Variants in RBMS3 observed in about 807,000 individuals in gnomAD.
RBMS3 encodes RNA binding motif single stranded interacting protein 3.
Under a neutral mutation model 66.8 loss-of-function variants are expected in RBMS3, and 27 were observed. That is an observed-to-expected ratio of 0.40 (90% CI 0.30 to 0.56). The LOEUF (loss-of-function observed/expected upper bound fraction) is 0.56. RBMS3 is among the 20% of genes least tolerant of loss of function. The probability of loss-of-function intolerance (pLI) is 0.40; values close to 1 mark genes in which losing one functional copy is unlikely to be tolerated. For missense variants in RBMS3, 513 were observed against 549.5 expected (o/e 0.93, Z 0.66); for synonymous variants, 188 against 183.0 (o/e 1.03, Z -0.22).
intron 1 of RBMS3, among the ~76,000 whole-genome samples, chr3:29,306,422 T>C (rs1049986080): frequency 3.3e-5 from 5 of 151,998 alleles, no homozygotes; most frequent in African/African-American, 7.2e-5. Flanking sequence ...TCTTCAGATT[T>C]TCCTTTGCTT....
intron 1 of RBMS3, among the ~76,000 whole-genome samples, chr3:29,404,205 T>C (rs1054282963): frequency 6.6e-6 from 1 of 152,170 alleles, no homozygotes; most frequent in African/African-American, 2.4e-5. Flanking sequence ...TCAGTTTCTA[T>C]AATTGATCTT....
intron 1 of RBMS3, among the ~76,000 whole-genome samples, chr3:29,427,959 A>C (rs2041024906): frequency 6.6e-6 from 1 of 152,198 alleles, no homozygotes; most frequent in African/African-American, 2.4e-5. Flanking sequence ...TTTCAATCAG[A>C]AGGAGAAGTA....
intron 2 of RBMS3, among the ~76,000 whole-genome samples, chr3:29,456,762 A>C (rs1054777850): frequency 2.6e-5 from 4 of 152,216 alleles, no homozygotes; most frequent in African/African-American, 9.6e-5. Context: ...AGTGTGTTCA[A>C]TGTAAAAATC....
chr3:29,893,660 T>C (rs2060055901), intron 8 of RBMS3, among the ~76,000 whole-genome samples: 1 of 151,566 alleles, frequency 6.6e-6, no homozygotes, highest in African/African-American at 2.4e-5. Context: ...AATTTTCAAA[T>C]GCAAACCTTG....
chr3:29,490,267 G>T (rs1036495603), intron 3 of RBMS3, among the ~76,000 whole-genome samples: 1 of 151,568 alleles, frequency 6.6e-6, no homozygotes, highest in Non-Finnish European at 1.5e-5. Context: ...GAAATATAAA[G>T]GGAGGGAGTG....
intron 3 of RBMS3, among the ~76,000 whole-genome samples, chr3:29,574,464 C>T (rs568834344): frequency 5.3e-5 from 8 of 151,730 alleles, no homozygotes; most frequent in East Asian, 1.9e-4. Flanking sequence ...TTATACGTGA[C>T]GTGGGTTTCT....
intron 1 of RBMS3, among the ~76,000 whole-genome samples, chr3:29,341,991 T>A (rs954941440): frequency 6.6e-6 from 1 of 152,158 alleles, no homozygotes; most frequent in Admixed American, 6.6e-5. Context: ...TCTTGCTTGA[T>A]CTTCATAAAA....
At chr3:29,899,540 T>A (rs924936845) in intron 9 of RBMS3, among the ~76,000 whole-genome samples, 165 bp from the exon 10 acceptor site, 3 of 151,776 alleles carry the variant, frequency 2.0e-5, no homozygotes, top group Admixed American at 1.3e-4. Flanking sequence ...AGGGACCAAT[T>A]TAATCAAGTC....
chr3:29,338,664 C>T lies in RBMS3; in HGVS notation c.75+56908C>T, dbSNP rs192871968. On this transcript the variant is annotated intron_variant, in intron 1 of 14. Transcript: ENST00000383767. ...CTAGATTATGCTGTCTAGGATTTCT[C>T]CTCTCCTCTCCTCCTCCTCTCCTCT... Among the ~76,000 whole-genome samples the T allele has an allele frequency of 9.4e-5, 14 of 149,486 alleles. No individual in the cohort carries two copies. The East Asian group carries it at 1.8e-3, about 19-fold the overall frequency.
chr3:29,772,810 G>GA (rs376164042), intron 6 of RBMS3, among the ~76,000 whole-genome samples: 11 of 150,660 alleles, frequency 7.3e-5, no homozygotes, highest in African/African-American at 1.9e-4. Flanking sequence ...GTGTTAAATA[G>GA]AAAAAAAAAT....
At chr3:29,633,269 C>T (rs888601381) in intron 4 of RBMS3, among the ~76,000 whole-genome samples, 4 of 151,678 alleles carry the variant, frequency 2.6e-5, no homozygotes, top group African/African-American at 9.7e-5. Flanking sequence ...AGCCTTATAT[C>T]TTCATATATC....
chr3:29,367,530 T>C (rs2037975290), intron 1 of RBMS3, among the ~76,000 whole-genome samples: 1 of 152,124 alleles, frequency 6.6e-6, no homozygotes, highest in African/African-American at 2.4e-5. Flanking sequence ...TGTTAACATA[T>C]ATTGATATTT....
At chr3:29,325,570 AT>A (rs1020373894) in intron 1 of RBMS3, among the ~76,000 whole-genome samples, 10 of 151,514 alleles carry the variant, frequency 6.6e-5, no homozygotes, top group Admixed American at 2.0e-4. Context: ...GTATGTATAT[AT>A]ATACATGTGT....
chr3:29,893,245 G>A (rs2060047093), intron 8 of RBMS3, among the ~76,000 whole-genome samples: 1 of 151,426 alleles, frequency 6.6e-6, no homozygotes, highest in East Asian at 2.0e-4. Context: ...CTTGTTTGAT[G>A]GATAGGATTA....
intron 1 of RBMS3, among the ~76,000 whole-genome samples, chr3:29,314,365 G>A (rs903148150): frequency 6.6e-6 from 1 of 151,606 alleles, no homozygotes; most frequent in African/African-American, 2.4e-5. Flanking sequence ...AAACATGACA[G>A]GGCTCACTGT....
intron 6 of RBMS3, among the ~76,000 whole-genome samples, chr3:29,845,306 A>C (rs556973957): frequency 3.4e-4 from 52 of 152,226 alleles, no homozygotes; most frequent in Middle Eastern, 3.2e-3. Flanking sequence ...GCAAACTTTT[A>C]AAACTTTCTG....
At chr3:29,905,439 AT>A (rs891788233) in intron 10 of RBMS3, among the ~76,000 whole-genome samples, 32 of 151,766 alleles carry the variant, frequency 2.1e-4, no homozygotes, top group Non-Finnish European at 3.8e-4. Context: ...CATTTTTTTG[AT>A]TTTTTTTCCC....
intron 6 of RBMS3, among the ~76,000 whole-genome samples, chr3:29,781,899 G>C (rs1282808671): frequency 2.0e-5 from 3 of 151,976 alleles, no homozygotes; most frequent in Non-Finnish European, 2.9e-5. Flanking sequence ...GTATGGCTCA[G>C]CATAGGCAGC....
At chr3:29,938,617 A>C (rs1310474761) in intron 11 of RBMS3, among the ~76,000 whole-genome samples, 1 of 151,986 alleles carries the variant, frequency 6.6e-6, no homozygotes, top group Non-Finnish European at 1.5e-5. Flanking sequence ...ATATGCCTTC[A>C]TAGATTCATT....
Sources: gnomAD v4.1 joint callset for allele counts (sites outside exome capture counted in the v4.1 genomes callset) on GRCh38, gnomAD v4.1.1 for gene constraint, MANE v1.5 for transcripts, NCBI Gene and HGNC (gene_info 2026-07-23, HGNC 2026-07-21) for gene names.